Variants in BMP2K observed in about 807,000 individuals in gnomAD.
BMP2K encodes the protein BMP2 inducible kinase, also known as BMP-2-inducible protein kinase.
A neutral mutation model predicts 116.0 loss-of-function variants in BMP2K; 74 were observed. The ratio of observed to expected loss-of-function variants is 0.64; its 90% CI spans 0.53 to 0.77. The LOEUF is 0.77. Among genes scored for constraint, BMP2K ranks in the 30% least tolerant of loss-of-function variants. The pLI, the probability that BMP2K is intolerant of heterozygous loss-of-function variation, is 0.00. For synonymous variants in BMP2K, 486 were observed against 502.5 expected (o/e 0.97, Z 0.44); for missense variants, 1,365 against 1,403.6 (o/e 0.97, Z 0.44).
At chr4:78,789,228 A>G (rs947133013) in intron 1 of BMP2K, among the ~76,000 whole-genome samples, 1 of 152,226 alleles carries the variant, frequency 6.6e-6, no homozygotes, top group Non-Finnish European at 1.5e-5. Context: ...AAAATGGAGT[A>G]ATGAATGAAC....
intron 1 of BMP2K, among the ~76,000 whole-genome samples, chr4:78,819,738 C>T (rs951876061): frequency 5.3e-5 from 8 of 152,084 alleles, no homozygotes; most frequent in African/African-American, 1.9e-4. Flanking sequence ...AGAAATTTAG[C>T]GGAACATTTT....
At chr4:78,788,354 G>A (rs1043524968) in intron 1 of BMP2K, among the ~76,000 whole-genome samples, 1 of 151,142 alleles carries the variant, frequency 6.6e-6, no homozygotes, top group Non-Finnish European at 1.5e-5. Flanking sequence ...TAACTGTTAC[G>A]TGCAGTAATG....
At chr4:78,896,277 A>G (rs749061281) in intron 15 of BMP2K, among the ~76,000 whole-genome samples, 4 of 152,198 alleles carry the variant, frequency 2.6e-5, no homozygotes, top group Admixed American at 6.5e-5. Flanking sequence ...ACAAATGCCT[A>G]TACTATGATA....
At chr4:78,851,136 C>T (rs1731233200) in intron 7 of BMP2K, 80 bp downstream of exon 7, 1 of 1,286,482 alleles carries the variant, frequency 7.8e-7, no homozygotes, top group Admixed American at 3.1e-5. Context: ...TTACTTAAAT[C>T]TAGTCTTAAT....
At chr4:78,850,529 G>A (rs1430359294) in intron 6 of BMP2K, among the ~76,000 whole-genome samples, 1 of 151,836 alleles carries the variant, frequency 6.6e-6, no homozygotes, top group African/African-American at 2.4e-5. Context: ...TGGAATCCCA[G>A]GACTTTTAAA....
At chr4:78,807,206 A>T (rs1728863661) in intron 1 of BMP2K, among the ~76,000 whole-genome samples, 1 of 151,566 alleles carries the variant, frequency 6.6e-6, no homozygotes, top group African/African-American at 2.4e-5. Flanking sequence ...TGATCATGTG[A>T]TTTTCTTCCT....
At chr4:78,879,072 GTTGC>G in intron 14 of BMP2K, 181 bp downstream of exon 14, 1 of 1,358,790 alleles carries the variant, frequency 7.4e-7, no homozygotes, top group Non-Finnish European at 9.4e-7. Flanking sequence ...TTAGAAATCA[GTTGC>G]TTGATAGTAG....
chr4:78,857,740 G>A (rs1731570874), intron 7 of BMP2K, among the ~76,000 whole-genome samples: 1 of 152,064 alleles, frequency 6.6e-6, no homozygotes, highest in Non-Finnish European at 1.5e-5. Flanking sequence ...CTTTGTGTGA[G>A]CTATCTTTAG....
chr4:78,898,145 C>T (rs1277118525), intron 15 of BMP2K, among the ~76,000 whole-genome samples: 1 of 152,158 alleles, frequency 6.6e-6, no homozygotes, highest in Non-Finnish European at 1.5e-5. Flanking sequence ...TCAGTATGTT[C>T]AGAGAATTGC....
Position 78,816,925 on chromosome 4 carries a change from T to G in BMP2K, c.179-9112T>G, listed in dbSNP as rs151153818. On this transcript the variant is annotated intron_variant, in intron 1 of 15. Coordinates refer to ENST00000502613, the MANE Select transcript of BMP2K (RefSeq NM_198892.2). ...ATGGTCTGGACAGGAATTTGTGTTT[T>G]CAAGAAATGCAGTACAACCTGAAAG... is the stretch of plus-strand genomic sequence containing the variant. 4.5e-3 allele frequency among the ~76,000 whole-genome samples: 684 copies of G among 152,306 alleles called. 2 individuals carry two copies. Among genetic ancestry groups the G allele is most frequent in the African/African-American group, 0.016 (647 of 41,562 alleles).
chr4:78,794,250 T>G (rs1197009570), intron 1 of BMP2K, among the ~76,000 whole-genome samples: 2 of 152,128 alleles, frequency 1.3e-5, no homozygotes, highest in Admixed American at 6.5e-5. Context: ...TGCAATGATA[T>G]GCATTCTTGA....
chr4:78,897,254 G>A (rs1453025844), intron 15 of BMP2K, among the ~76,000 whole-genome samples: 1 of 151,872 alleles, frequency 6.6e-6, no homozygotes. Flanking sequence ...ACATCTTGGG[G>A]AAAAGTGCAG....
chr4:78,859,547 T>G (rs1265101216), intron 7 of BMP2K, 37 bp from the exon 8 acceptor site: 2 of 1,408,888 alleles, frequency 1.4e-6, no homozygotes, highest in Non-Finnish European at 2.0e-6. Flanking sequence ...AATGTGTGTT[T>G]CATAAAACTT....
chr4:78,871,378 C>G (rs1266233010), intron 11 of BMP2K, among the ~76,000 whole-genome samples: 1 of 152,074 alleles, frequency 6.6e-6, no homozygotes, highest in Non-Finnish European at 1.5e-5. Context: ...ACTAATAATG[C>G]TATTGTTGGA....
chr4:78,839,880 C>G (rs986302395), intron 3 of BMP2K, among the ~76,000 whole-genome samples: 1 of 152,040 alleles, frequency 6.6e-6, no homozygotes, highest in Admixed American at 6.5e-5. Flanking sequence ...TTGTGCCCAC[C>G]CAGATTAAGG....
At chr4:78,897,720 CTCTTATTTCT>C (rs1214718810) in intron 15 of BMP2K, among the ~76,000 whole-genome samples, 2 of 152,092 alleles carry the variant, frequency 1.3e-5, no homozygotes, top group Non-Finnish European at 2.9e-5. Context: ...GCATTGGTGC[CTCTTATTTCT>C]TCTACCTTCT....
chr4:78,882,041 C>G (rs1732900974), intron 14 of BMP2K, among the ~76,000 whole-genome samples: 1 of 151,700 alleles, frequency 6.6e-6, no homozygotes, highest in Admixed American at 6.6e-5. Flanking sequence ...TAGGTATTGC[C>G]AATGCAATGA....
At chr4:78,823,357 T>C (rs1347390070) in intron 1 of BMP2K, among the ~76,000 whole-genome samples, 1 of 151,932 alleles carries the variant, frequency 6.6e-6, no homozygotes, top group Non-Finnish European at 1.5e-5. Flanking sequence ...CATAACTTGG[T>C]TGTGCATCAG....
intron 1 of BMP2K, among the ~76,000 whole-genome samples, chr4:78,822,559 C>G (rs1729672999): frequency 6.6e-6 from 1 of 150,988 alleles, no homozygotes. Flanking sequence ...TTCATCAGAT[C>G]AATATCTGTC....
Sources: gnomAD v4.1 joint callset for allele counts (sites outside exome capture counted in the v4.1 genomes callset) on GRCh38, gnomAD v4.1.1 for gene constraint, MANE v1.5 for transcripts, NCBI Gene and HGNC (gene_info 2026-07-23, HGNC 2026-07-21) for gene names.